The following ANKRD17 variants were observed in gnomAD, a reference collection of about 807,000 sequenced individuals.
ANKRD17 encodes the protein ankyrin repeat domain 17.
Under a neutral mutation model 229.7 loss-of-function variants are expected in ANKRD17, and 19 were observed. The observed-to-expected ratio is 0.08, with a 90% CI of 0.06 to 0.12. The LOEUF is 0.12. Ranked by LOEUF, ANKRD17 falls within the 10% of genes least tolerant of loss-of-function variation. The pLI, the probability that ANKRD17 is intolerant of heterozygous loss-of-function variation, is 1.00. For missense variants in ANKRD17, 2,176 were observed against 3,176.8 expected (o/e 0.68, Z 7.57); for synonymous variants, 1,112 against 1,146.1 (o/e 0.97, Z 0.60).
chr4:73,177,707 C>G (rs772761510), intron 1 of ANKRD17, among the ~76,000 whole-genome samples, 174 bp from the exon 2 acceptor site: 9 of 152,108 alleles, frequency 5.9e-5, no homozygotes, highest in Non-Finnish European at 1.3e-4. Context: ...TGTTGATTAA[C>G]AAAAGAAGAA....
intron 1 of ANKRD17, chr4:73,222,862 T>C: frequency 1.1e-6 from 1 of 880,406 alleles, no homozygotes; most frequent in East Asian, 2.6e-5. Context: ...GCTTTTATGC[T>C]CTGCTTCTCT....
intron 1 of ANKRD17, among the ~76,000 whole-genome samples, chr4:73,221,906 C>G (rs928493988): frequency 6.6e-6 from 1 of 152,118 alleles, no homozygotes; most frequent in Non-Finnish European, 1.5e-5. Context: ...CTGAGGGACT[C>G]CAGAAAATAC....
chr4:73,151,845 T>C (rs1424177396), intron 6 of ANKRD17, among the ~76,000 whole-genome samples: 2 of 152,168 alleles, frequency 1.3e-5, no homozygotes, highest in East Asian at 1.9e-4. Flanking sequence ...AGTTATGTTA[T>C]ATATGCTACG....
At chr4:73,155,568 G>A in intron 5 of ANKRD17, 63 bp downstream of exon 5, 1 of 1,585,604 alleles carries the variant, frequency 6.3e-7, no homozygotes. Flanking sequence ...TCACTTTCAT[G>A]CAAAATCATT....
At position 73,142,384 on chromosome 4, in the gene ANKRD17, T is replaced by A; in HGVS notation, c.2087A>T (p.Asp696Val). The A allele has an allele frequency of 6.3e-7, 1 of 1,587,438 alleles. No individual in the cohort carries two copies. The highest frequency in any genetic ancestry group is 8.5e-7 in the Non-Finnish European group (1 of 1,174,154). The change falls in exon 13 of 34, where the codon GAT becomes GTT. Residue 696 changes from aspartate (D) to valine (V), a missense_variant and splice_region_variant. This residue lies in a region of ANKRD17 where 275 missense variants were observed against 386.9 expected (regional missense o/e 0.71). Transcript: ENST00000358602. ...TGCTTCTATCAACATAGTTGAGCCATCCTAAAAGAGTGAATATGGAAGGGG... is the reference window on the plus strand; with the variant it reads ...TGCTTCTATCAACATAGTTGAGCCAACCTAAAAGAGTGAATATGGAAGGGG... ...HGADPTHRLK[D>V]GSTMLIEAAK...
chr4:73,209,176 A>C (rs1739920537), intron 1 of ANKRD17, among the ~76,000 whole-genome samples: 1 of 152,238 alleles, frequency 6.6e-6, no homozygotes, highest in African/African-American at 2.4e-5. Flanking sequence ...ACTGCACTCC[A>C]GTCTGGGTGA....
chr4:73,163,835 T>C (rs1322246134), intron 2 of ANKRD17, among the ~76,000 whole-genome samples: 1 of 152,246 alleles, frequency 6.6e-6, no homozygotes, highest in Non-Finnish European at 1.5e-5. Context: ...TTAGTACTTT[T>C]AGATATATTT....
At chr4:73,235,049 T>C (rs1743380262) in intron 1 of ANKRD17, among the ~76,000 whole-genome samples, 1 of 152,188 alleles carries the variant, frequency 6.6e-6, no homozygotes, top group African/African-American at 2.4e-5. Context: ...ACTTTCTATC[T>C]TCTTCAAAAT....
chr4:73,123,646 T>C (rs1727050396), intron 18 of ANKRD17, among the ~76,000 whole-genome samples: 1 of 152,148 alleles, frequency 6.6e-6, no homozygotes. Context: ...GACCAAGCCC[T>C]ACCCTTACTG....
intron 24 of ANKRD17, among the ~76,000 whole-genome samples, chr4:73,106,840 T>TG (rs1233224309): frequency 1.6e-5 from 2 of 125,352 alleles, no homozygotes; most frequent in African/African-American, 3.1e-5. Context: ...GATTGCGCCA[T>TG]GGCCCTCCAG....
At chr4:73,246,916 T>G (rs1744557209) in intron 1 of ANKRD17, among the ~76,000 whole-genome samples, 1 of 152,088 alleles carries the variant, frequency 6.6e-6, no homozygotes, top group African/African-American at 2.4e-5. Context: ...AAGAAAAATT[T>G]CTAAGAATTG....
chr4:73,121,175 T>G, intron 19 of ANKRD17, 81 bp from the exon 20 acceptor site: 2 of 1,182,828 alleles, frequency 1.7e-6, no homozygotes, highest in Non-Finnish European at 2.5e-6. Context: ...TATATAATTC[T>G]AATCTAAGAT....
At chr4:73,109,346 G>A (rs1475959011) in intron 24 of ANKRD17, among the ~76,000 whole-genome samples, 1 of 152,006 alleles carries the variant, frequency 6.6e-6, no homozygotes. Flanking sequence ...AAGTATATGG[G>A]TGTAGATATT....
chr4:73,231,886 G>A (rs1009782253), intron 1 of ANKRD17, among the ~76,000 whole-genome samples: 15 of 152,212 alleles, frequency 9.9e-5, no homozygotes, highest in Admixed American at 6.5e-4. Context: ...TAAGGACAGG[G>A]CGTGAAGGGC....
intron 1 of ANKRD17, among the ~76,000 whole-genome samples, chr4:73,181,906 G>C (rs1188524221): frequency 6.6e-6 from 1 of 151,258 alleles, no homozygotes; most frequent in African/African-American, 2.4e-5. Flanking sequence ...AAATTAGCCA[G>C]GCATGGTGGT....
At chr4:73,137,982 A>G (rs185983931) in intron 15 of ANKRD17, among the ~76,000 whole-genome samples, 1 of 152,106 alleles carries the variant, frequency 6.6e-6, no homozygotes, top group Admixed American at 6.6e-5. Context: ...TATAAAAAAA[A>G]TTTTTTTAAA....
Position 73,120,967 on chromosome 4 carries a change from C to A in ANKRD17, c.3763G>T (p.Ala1255Ser). 8 of 1,613,662 alleles carry A rather than the reference C, an allele frequency of 5.0e-6. No homozygotes were observed. The highest frequency in any genetic ancestry group is 5.9e-6 in the Non-Finnish European group (7 of 1,179,882). The change falls in exon 20 of 34, where the codon GCC (alanine) becomes TCC (serine). Residue 1255 changes from alanine to serine, a missense_variant. By Grantham distance (99) the Ala-to-Ser change is moderately conservative. Coordinates refer to ENST00000358602, the MANE Select transcript of ANKRD17 (RefSeq NM_032217.5). Reference sequence around the variant, plus strand: ...CCTTGGAAGCAGGCTAAAGTAAGGGCAGTGTTCCGATTGGTTTCTATCTGA... The same window carrying A: ...CCTTGGAAGCAGGCTAAAGTAAGGGAAGTGTTCCGATTGGTTTCTATCTGA... The part of the protein sequence containing the change: ...NAQIETNRNT[A>S]LTLACFQGRT...
At chr4:73,149,186 G>A in intron 7 of ANKRD17, 136 bp from the exon 8 acceptor site, 1 of 679,618 alleles carries the variant, frequency 1.5e-6, no homozygotes, top group Non-Finnish European at 2.5e-6. Context: ...TTTAACAGTT[G>A]AGTAAATCAG....
chr4:73,097,399 A>C, intron 26 of ANKRD17, 127 bp from the exon 27 acceptor site: 1 of 762,472 alleles, frequency 1.3e-6, no homozygotes, highest in Non-Finnish European at 2.0e-6. Flanking sequence ...CTTATTTTTC[A>C]CTTCTCCTCA....
Sources: gnomAD v4.1 joint callset for allele counts (sites outside exome capture counted in the v4.1 genomes callset) on GRCh38, gnomAD v4.1.1 for gene constraint, gnomAD v4.1.1 regional missense constraint, MANE v1.5 for transcripts, NCBI Gene and HGNC (gene_info 2026-07-23, HGNC 2026-07-21) for gene names.